Variants in CASP6 observed in about 807,000 individuals in gnomAD.
CASP6 encodes the protein caspase-6.
In CASP6, 20 loss-of-function variants were observed where a neutral mutation model predicts 31.8. The ratio of observed to expected loss-of-function variants is 0.63; its 90% CI spans 0.44 to 0.91. CASP6 has a LOEUF of 0.91. CASP6 is among the 40% of genes least tolerant of loss of function. The pLI is 0.00. For synonymous variants in CASP6, 130 were observed against 127.8 expected (o/e 1.02, Z -0.12); for missense variants, 328 against 361.1 (o/e 0.91, Z 0.74).
chr4:109,698,494 A>G (rs1200380786), intron 1 of CASP6, 152 bp from the exon 2 acceptor site: 13 of 586,314 alleles, frequency 2.2e-5, no homozygotes, highest in Non-Finnish European at 3.5e-5. Flanking sequence ...AAGGAAATGA[A>G]GGGAAACTGC....
downstream of CASP6, chr4:109,684,714 A>G (rs1579100958): frequency 4.0e-6 from 3 of 747,258 alleles, no homozygotes; most frequent in Non-Finnish European, 6.8e-6. Flanking sequence ...CTAAGCAATG[A>G]GCAAAAAAGC....
At chr4:109,695,950 G>A (rs888625052) in intron 4 of CASP6, among the ~76,000 whole-genome samples, 2 of 152,114 alleles carry the variant, frequency 1.3e-5, no homozygotes, top group African/African-American at 2.4e-5. Flanking sequence ...GGCATGCAGC[G>A]ATGATTATAA....
At chr4:109,693,680 A>T (rs11736423) in intron 5 of CASP6, among the ~76,000 whole-genome samples, 1 of 143,820 alleles carries the variant, frequency 7.0e-6, no homozygotes, top group Non-Finnish European at 1.5e-5. Flanking sequence ...GCGAGACTCC[A>T]TCTCAAAAAA....
chr4:109,669,413 G>A, the CASP6 span, among the ~76,000 whole-genome samples: 3 of 151,840 alleles, frequency 2.0e-5, no homozygotes, highest in Non-Finnish European at 4.4e-5. Context: ...ATAGCTAAGG[G>A]TTCCCCCCTT....
chr4:109,697,882 T>A, intron 2 of CASP6, 114 bp from the exon 3 acceptor site: 1 of 1,181,150 alleles, frequency 8.5e-7, no homozygotes, highest in Middle Eastern at 2.2e-4. Flanking sequence ...GCCAGGCTGA[T>A]GTTCCATGGG....
intron 4 of CASP6, 97 bp downstream of exon 4, chr4:109,696,313 G>A: frequency 1.2e-6 from 1 of 837,380 alleles, no homozygotes; most frequent in East Asian, 2.5e-5. Context: ...TACTTTTTTT[G>A]TCACACAAGT....
At chr4:109,688,457 C>G (rs926199450), downstream of CASP6, 5 of 152,086 alleles carry the variant, frequency 3.3e-5, no homozygotes, top group African/African-American at 1.2e-4. Context: ...CTCAGAATGC[C>G]ATACAACAAT....
downstream of CASP6, among the ~76,000 whole-genome samples, chr4:109,685,727 A>C (rs141039989): frequency 1.1e-3 from 175 of 152,364 alleles, 1 homozygote; most frequent in Non-Finnish European, 1.5e-3. Flanking sequence ...GTCCCTAAAG[A>C]TAGAAGAATC....
chr4:109,684,997 T>A (rs1242262784), downstream of CASP6: 8 of 396,890 alleles, frequency 2.0e-5, no homozygotes, highest in Non-Finnish European at 3.6e-5. Context: ...CTCCCTTTTC[T>A]TATTTCTTCC....
At chr4:109,703,093 GC>G (rs901785736) in intron 1 of CASP6, among the ~76,000 whole-genome samples, 4 of 152,152 alleles carry the variant, frequency 2.6e-5, no homozygotes, top group Admixed American at 6.5e-5. Context: ...GCAGGGGCAC[GC>G]CCCGGCGCCG....
At chr4:109,676,911 T>C in the CASP6 span, among the ~76,000 whole-genome samples, 2 of 152,180 alleles carry the variant, frequency 1.3e-5, no homozygotes, top group Non-Finnish European at 2.9e-5. Context: ...GAATGTAAAA[T>C]ATTTGGAAAA....
At chr4:109,682,020 GATCGGCT>G in the CASP6 span, among the ~76,000 whole-genome samples, 1 of 152,204 alleles carries the variant, frequency 6.6e-6, no homozygotes, top group African/African-American at 2.4e-5. Context: ...GGCAATAGAT[GATCGGCT>G]ATTTCTTTAC....
At chr4:109,687,526 C>T (rs755180399), downstream of CASP6, 2 of 1,611,508 alleles carry the variant, frequency 1.2e-6, no homozygotes, top group Non-Finnish European at 1.7e-6. Context: ...CTAAAGAATC[C>T]CTGAAACAGG....
downstream of CASP6, chr4:109,687,510 G>A (rs1729876128): frequency 2.5e-6 from 4 of 1,602,588 alleles, no homozygotes; most frequent in East Asian, 2.2e-5. Flanking sequence ...TTTTTCCCAT[G>A]ACAGGCTAAA....
chr4:109,700,943 C>T (rs994499595), intron 1 of CASP6, among the ~76,000 whole-genome samples: 1 of 152,102 alleles, frequency 6.6e-6, no homozygotes, highest in South Asian at 2.1e-4. Flanking sequence ...ATCATTATGC[C>T]GCATTAATAT....
At position 109,703,408 on chromosome 4, in the gene CASP6, C is replaced by T. The variant is rs142304988; in HGVS notation, c.-13G>A. ...AGGCCGAGCTCATTGCAGCCAAACGCGCAGCCAGACACCTTGCCCTCCTCT... is the reference window on the plus strand; with the variant it reads ...AGGCCGAGCTCATTGCAGCCAAACGTGCAGCCAGACACCTTGCCCTCCTCT... On this transcript the variant is annotated 5_prime_UTR_variant, in exon 1 of 7. Coordinates refer to ENST00000265164, the MANE Select transcript of CASP6 (RefSeq NM_001226.4). 113 of 1,611,424 alleles carry T rather than the reference C, an allele frequency of 7.0e-5. No individual in the cohort carries two copies. The African/African-American group carries it at 1.2e-3, about 17-fold the overall frequency.
intron 4 of CASP6, 54 bp downstream of exon 4, chr4:109,696,356 A>G (rs1730238606): frequency 7.8e-7 from 1 of 1,275,444 alleles, no homozygotes; most frequent in Non-Finnish European, 1.1e-6. Flanking sequence ...AGATAGGATA[A>G]AGGACTCGGT....
intron 4 of CASP6, among the ~76,000 whole-genome samples, chr4:109,695,029 C>T (rs1262704638): frequency 6.6e-6 from 1 of 152,066 alleles, no homozygotes; most frequent in Non-Finnish European, 1.5e-5. Flanking sequence ...CGGGGTTTTG[C>T]CATGTAGCCA....
the CASP6 span, among the ~76,000 whole-genome samples, chr4:109,670,977 G>A: frequency 6.6e-6 from 1 of 152,096 alleles, no homozygotes; most frequent in East Asian, 1.9e-4. Flanking sequence ...TTCCTACCCT[G>A]GTACTGATTC....
Sources: gnomAD v4.1 joint callset for allele counts (sites outside exome capture counted in the v4.1 genomes callset) on GRCh38, gnomAD v4.1.1 for gene constraint, MANE v1.5 for transcripts, NCBI Gene and HGNC (gene_info 2026-07-23, HGNC 2026-07-21) for gene names.